RBM20: variants seen among roughly 807,000 people sequenced by gnomAD.
RBM20 encodes the protein RNA-binding protein 20.
Under a neutral mutation model 110.1 loss-of-function variants are expected in RBM20, and 51 were observed. The ratio of observed to expected loss-of-function variants is 0.46; its 90% confidence interval spans 0.37 to 0.59. RBM20 has a LOEUF of 0.59. Among genes scored for constraint, RBM20 ranks in the 20% least tolerant of loss-of-function variants. RBM20 has a pLI of 0.00. For missense variants in RBM20, 1,512 were observed against 1,574.9 expected, an observed-to-expected ratio of 0.96 and a Z score of 0.68; for synonymous variants, 589 against 618.2, an observed-to-expected ratio of 0.95 and a Z score of 0.70.
At position 110,821,415 on chromosome 10, in the gene RBM20, T is replaced by A; in HGVS notation, c.2796T>A (p.Ile932=). The A allele has an allele frequency of 6.4e-7, 1 of 1,551,760 alleles. No individual in the cohort carries two copies. The highest frequency in any genetic ancestry group is 8.7e-7 in the Non-Finnish European group (1 of 1,147,014). The part of the protein sequence containing the change: ...VEPDIPELEE[I]VPIDQKDKIC... ...CAGACATCCCAGAGCTGGAAGAAATTGTGCCCATTGACCAGAAAGACAAAA... is the reference window on the plus strand; with the variant it reads ...CAGACATCCCAGAGCTGGAAGAAATAGTGCCCATTGACCAGAAAGACAAAA... Residue 932 remains isoleucine, a synonymous_variant, in exon 11 of 14, where the codon ATT becomes ATA. Coordinates refer to ENST00000369519, the MANE Select transcript of RBM20 (RefSeq NM_001134363.3).
At chr10:110,808,086 A>G (rs1219481983) in intron 7 of RBM20, among the ~76,000 whole-genome samples, 1 of 152,228 alleles carries the variant, frequency 6.6e-6, no homozygotes, top group Non-Finnish European at 1.5e-5. Context: ...CTTTCCCTTG[A>G]TGATACAGTA....
intron 1 of RBM20, among the ~76,000 whole-genome samples, chr10:110,694,857 A>G (rs1046742650): frequency 2.6e-5 from 4 of 152,194 alleles, no homozygotes; most frequent in Non-Finnish European, 5.9e-5. Flanking sequence ...GTTGAATTCA[A>G]AATTCAACAA....
chr10:110,729,692 C>A (rs1399984181), intron 1 of RBM20, among the ~76,000 whole-genome samples: 1 of 152,214 alleles, frequency 6.6e-6, no homozygotes. Flanking sequence ...GCCCTTGTAC[C>A]CTGGCTGTAG....
chr10:110,749,756 G>C (rs940017124), intron 1 of RBM20, among the ~76,000 whole-genome samples: 1 of 151,706 alleles, frequency 6.6e-6, no homozygotes, highest in Non-Finnish European at 1.5e-5. Context: ...AGTGGGAAAG[G>C]CTGAGCACAT....
chr10:110,716,924 A>AG (rs1863028492), intron 1 of RBM20, among the ~76,000 whole-genome samples: 1 of 28,504 alleles, frequency 3.5e-5, no homozygotes, highest in Non-Finnish European at 5.8e-5. Flanking sequence ...AAAAAAAAAG[A>AG]AAAAAAAAAA....
chr10:110,663,928 C>G (rs1862142362), intron 1 of RBM20, among the ~76,000 whole-genome samples: 1 of 152,062 alleles, frequency 6.6e-6, no homozygotes, highest in Admixed American at 6.5e-5. Context: ...ATAATAAGAG[C>G]AATTATGTTG....
intron 9 of RBM20, 97 bp from the exon 10 acceptor site, chr10:110,819,971 CCTAT>C: frequency 1.5e-6 from 1 of 675,556 alleles, no homozygotes; most frequent in Non-Finnish European, 2.5e-6. Flanking sequence ...GTATGTGAAA[CCTAT>C]CTGAGAGCTG....
chr10:110,802,939 C>G (rs1027176648), intron 7 of RBM20, among the ~76,000 whole-genome samples: 1 of 152,216 alleles, frequency 6.6e-6, no homozygotes, highest in East Asian at 1.9e-4. Flanking sequence ...CCTCAGTTTA[C>G]AGATCAGGAA....
chr10:110,644,031 C>T (rs1037390734), upstream of RBM20, among the ~76,000 whole-genome samples: 2 of 152,198 alleles, frequency 1.3e-5, no homozygotes, highest in Non-Finnish European at 2.9e-5. This position sits in a 1 kb window ranked among gnomAD's most constrained non-coding sequence, Gnocchi z 4.3. Flanking sequence ...CGACCGCGGG[C>T]TGCGTGTGTC....
At chr10:110,648,041 C>T (rs10787260) in intron 1 of RBM20, among the ~76,000 whole-genome samples, 31,223 of 152,106 alleles carry the variant, frequency 0.21, 3,987 homozygotes, top group African/African-American at 0.37. Flanking sequence ...CTGGGTAATG[C>T]GTGGCATCAG....
At chr10:110,835,729 C>G (rs1845117598) in intron 13 of RBM20, 139 bp from the exon 14 acceptor site, 1 of 753,144 alleles carries the variant, frequency 1.3e-6, no homozygotes, top group East Asian at 3.0e-5. Flanking sequence ...GTGGGGATCT[C>G]TGAACCAGGA....
Position 110,644,739 on chromosome 10 carries a change from T to C in RBM20, c.191+94T>C. Reference sequence around the variant, plus strand: ...GCTTCATTTCCCGTCCCTGCTGAACTTCGCTCGCCCCCCTTGGGTTTGAAG... The same window carrying C: ...GCTTCATTTCCCGTCCCTGCTGAACCTCGCTCGCCCCCCTTGGGTTTGAAG... On this transcript the variant is annotated intron_variant, in intron 1 of 13. Transcript: ENST00000369519. This position sits in a 1 kb window ranked among gnomAD's most constrained non-coding sequence, Gnocchi z 4.3. 2 of 960,888 alleles carry C rather than the reference T, an allele frequency of 2.1e-6. No individual in the cohort carries two copies. The highest frequency in any genetic ancestry group is 1.9e-5 in the South Asian group (1 of 52,376). 59.5% of individuals were successfully genotyped at this position (960,888 alleles called of 1,614,324 possible). A position where few individuals can be genotyped will look rare whatever the true frequency, so the allele number is the denominator to read the frequency against.
chr10:110,804,558 C>G (rs975820178), intron 7 of RBM20, among the ~76,000 whole-genome samples: 18 of 152,230 alleles, frequency 1.2e-4, no homozygotes, highest in African/African-American at 4.1e-4. Context: ...CATATCTTAT[C>G]TCCCCATATA....
chr10:110,789,413 A>AC (rs1260746051), intron 5 of RBM20, among the ~76,000 whole-genome samples: 1 of 83,148 alleles, frequency 1.2e-5, no homozygotes, highest in Non-Finnish European at 3.0e-5. Context: ...ATTTTTGTTT[A>AC]GGTTTTTTTT....
chr10:110,714,274 A>G (rs181852866), intron 1 of RBM20, among the ~76,000 whole-genome samples: 2 of 152,240 alleles, frequency 1.3e-5, no homozygotes, highest in Admixed American at 1.3e-4. Context: ...AAATGTAACC[A>G]TATCTGCAGT....
intron 1 of RBM20, chr10:110,756,614 A>T (rs1843925335): frequency 6.6e-6 from 1 of 152,194 alleles, no homozygotes; most frequent in Non-Finnish European, 1.5e-5. Context: ...TTCTGTCCAG[A>T]GGAGTTCTAT....
chr10:110,721,598 C>A (rs561895953), intron 1 of RBM20, among the ~76,000 whole-genome samples: 6 of 152,288 alleles, frequency 3.9e-5, no homozygotes, highest in East Asian at 3.9e-4. Context: ...GACCACAGGG[C>A]AAATCAGCAC....
intron 1 of RBM20, among the ~76,000 whole-genome samples, chr10:110,775,212 C>T (rs1844245536): frequency 6.6e-6 from 1 of 152,176 alleles, no homozygotes; most frequent in Non-Finnish European, 1.5e-5. Context: ...TATTTTCTTG[C>T]CTGGTCATCA....
At chr10:110,813,647 C>T (rs1844803764) in intron 9 of RBM20, among the ~76,000 whole-genome samples, 2 of 151,944 alleles carry the variant, frequency 1.3e-5, no homozygotes, top group South Asian at 4.2e-4. Flanking sequence ...CCAGCCTGGC[C>T]AATATGGTGA....
Sources: gnomAD v4.1 joint callset for allele counts (sites outside exome capture counted in the v4.1 genomes callset) on GRCh38, gnomAD v4.1.1 for gene constraint, Gnocchi (gnomAD v3.1) non-coding constraint, MANE v1.5 for transcripts, NCBI Gene and HGNC (gene_info 2026-07-23, HGNC 2026-07-21) for gene names.